The following EDIL3 variants were observed in gnomAD, a reference collection of about 807,000 sequenced individuals.
The protein encoded by EDIL3 is EGF-like repeat and discoidin I-like domain-containing protein 3.
In EDIL3, 37 loss-of-function variants were observed where a neutral mutation model predicts 67.4. The observed-to-expected ratio is 0.55, with a 90% CI of 0.42 to 0.72. EDIL3 has a LOEUF of 0.72. EDIL3 is among the 30% of genes least tolerant of loss of function. EDIL3 has a pLI of 0.00. For synonymous variants in EDIL3, 195 were observed against 196.3 expected, an observed-to-expected ratio of 0.99 and a Z score of 0.05; for missense variants, 527 against 586.3, an observed-to-expected ratio of 0.90 and a Z score of 1.04.
rs532678932 is a variant in EDIL3, at chr5:84,230,737, T to C, written c.197-853A>G. Among the ~76,000 whole-genome samples the C allele has an allele frequency of 1.0e-4, 15 of 147,356 alleles. No homozygotes were observed. The South Asian group carries it at 2.0e-3, about 19-fold the overall frequency. ...TTTTCTTAAACATGAAGATTCCAGT[T>C]CTCTCTCTCTCTCTCCCACTACGTG... On this transcript the variant is annotated intron_variant, in intron 2 of 10. Transcript: ENST00000296591.
intron 9 of EDIL3, among the ~76,000 whole-genome samples, chr5:83,996,027 TCA>T (rs1745233724): frequency 6.6e-6 from 1 of 152,184 alleles, no homozygotes; most frequent in African/African-American, 2.4e-5. Context: ...ATTTCAGTAG[TCA>T]AATTTAATGA....
At chr5:84,188,060 C>T (rs1163689620) in intron 3 of EDIL3, among the ~76,000 whole-genome samples, 1 of 151,570 alleles carries the variant, frequency 6.6e-6, no homozygotes, top group Non-Finnish European at 1.5e-5. Context: ...AAAATGGAAA[C>T]CTGAAGATAG....
At chr5:84,130,130 T>A (rs1193472529) in intron 5 of EDIL3, among the ~76,000 whole-genome samples, 1 of 152,194 alleles carries the variant, frequency 6.6e-6, no homozygotes, top group Non-Finnish European at 1.5e-5. Flanking sequence ...ATTCTTATGG[T>A]CTCGGCTTTC....
intron 9 of EDIL3, among the ~76,000 whole-genome samples, chr5:84,012,123 T>C (rs2112181522): frequency 6.6e-6 from 1 of 152,288 alleles, no homozygotes; most frequent in Non-Finnish European, 1.5e-5. Flanking sequence ...TACAGGAACA[T>C]TTTGAAGGAG....
chr5:84,121,282 A>C (rs1747769724), intron 5 of EDIL3, among the ~76,000 whole-genome samples: 1 of 151,914 alleles, frequency 6.6e-6, no homozygotes, highest in African/African-American at 2.4e-5. Context: ...TTAAAACAAC[A>C]AAAATTAATA....
chr5:84,329,677 T>C (rs561983289), intron 1 of EDIL3, among the ~76,000 whole-genome samples: 5 of 152,252 alleles, frequency 3.3e-5, no homozygotes, highest in Middle Eastern at 6.8e-3. Flanking sequence ...TTCTACTATA[T>C]AAATTATTTA....
chr5:83,984,158 A>C (rs536656781), intron 9 of EDIL3, among the ~76,000 whole-genome samples: 1 of 152,182 alleles, frequency 6.6e-6, no homozygotes, highest in African/African-American at 2.4e-5. Flanking sequence ...GGGACCCAAG[A>C]GTGAAAAAAG....
At chr5:84,306,205 A>G (rs940114856) in intron 1 of EDIL3, among the ~76,000 whole-genome samples, 3 of 152,196 alleles carry the variant, frequency 2.0e-5, no homozygotes, top group African/African-American at 7.2e-5. Context: ...ATCAACTGTC[A>G]GGTAAGAAGG....
chr5:83,967,904 C>T (rs909113442), intron 9 of EDIL3, among the ~76,000 whole-genome samples: 5 of 152,032 alleles, frequency 3.3e-5, no homozygotes, highest in Non-Finnish European at 5.9e-5. Flanking sequence ...CTTGTTTGTG[C>T]CTTCATATCA....
At chr5:84,223,136 T>C (rs1744379883) in intron 3 of EDIL3, among the ~76,000 whole-genome samples, 1 of 151,770 alleles carries the variant, frequency 6.6e-6, no homozygotes, top group African/African-American at 2.4e-5. Flanking sequence ...CTATTTTGAG[T>C]TCATTTTTAT....
At chr5:84,059,554 T>C (rs1283281353) in intron 9 of EDIL3, among the ~76,000 whole-genome samples, 1 of 152,196 alleles carries the variant, frequency 6.6e-6, no homozygotes, top group East Asian at 1.9e-4. Context: ...TTTCTGGGAA[T>C]GCAATGAACT....
In EDIL3 at chr5:84,299,955, A is replaced by G. The variant is rs1746123802; in HGVS notation, c.68-45743T>C. ...CACATAAAATATGTATATTTTAAAA[A>G]TCTACCATGTCTAGTCTGAATTTAC... On this transcript the variant is annotated intron_variant, in intron 1 of 10. Coordinates refer to ENST00000296591, the MANE Select transcript of EDIL3 (RefSeq NM_005711.5). Among the ~76,000 whole-genome samples the G allele has an allele frequency of 2.6e-5, 4 of 152,352 alleles. 1 individual carries two copies. Among genetic ancestry groups the G allele is most frequent in the Middle Eastern group, 3.4e-3 (1 of 294 alleles).
chr5:84,334,685 C>T (rs979243191), intron 1 of EDIL3, among the ~76,000 whole-genome samples: 4 of 152,086 alleles, frequency 2.6e-5, no homozygotes, highest in African/African-American at 9.7e-5. Flanking sequence ...TCAAAAGATA[C>T]CATTAACTTT....
intron 1 of EDIL3, among the ~76,000 whole-genome samples, chr5:84,360,140 A>C (rs771970965): frequency 6.6e-6 from 1 of 152,136 alleles, no homozygotes; most frequent in Non-Finnish European, 1.5e-5. Context: ...GCAGCTCAAA[A>C]CCAGTGGATC....
At chr5:84,334,189 G>A (rs1229024026) in intron 1 of EDIL3, among the ~76,000 whole-genome samples, 3 of 151,338 alleles carry the variant, frequency 2.0e-5, no homozygotes, top group Admixed American at 6.6e-5. Flanking sequence ...AGCCTCCTGC[G>A]TAGCTGAGAT....
intron 9 of EDIL3, among the ~76,000 whole-genome samples, chr5:83,981,153 TG>T (rs1382256175): frequency 6.6e-6 from 1 of 152,088 alleles, no homozygotes; most frequent in East Asian, 1.9e-4. Flanking sequence ...GAAATTCATA[TG>T]GAAATTCAAG....
At chr5:84,144,161 C>A (rs1222044043) in intron 4 of EDIL3, among the ~76,000 whole-genome samples, 1 of 152,038 alleles carries the variant, frequency 6.6e-6, no homozygotes, top group African/African-American at 2.4e-5. Flanking sequence ...GACTCTGAAG[C>A]ATAGCCAATG....
At chr5:84,192,553 C>G (rs1331044709) in intron 3 of EDIL3, among the ~76,000 whole-genome samples, 1 of 151,958 alleles carries the variant, frequency 6.6e-6, no homozygotes, top group Non-Finnish European at 1.5e-5. Context: ...CAACTCTCCT[C>G]TATTGTTTAT....
At chr5:84,266,336 C>G (rs986946321) in intron 1 of EDIL3, among the ~76,000 whole-genome samples, 3 of 152,096 alleles carry the variant, frequency 2.0e-5, no homozygotes, top group Admixed American at 2.0e-4. Flanking sequence ...CTGAGCCAGC[C>G]CCAACATGAA....
Sources: gnomAD v4.1 joint callset for allele counts (sites outside exome capture counted in the v4.1 genomes callset) on GRCh38, gnomAD v4.1.1 for gene constraint, MANE v1.5 for transcripts, NCBI Gene and HGNC (gene_info 2026-07-23, HGNC 2026-07-21) for gene names.